The following USP24 variants were observed in gnomAD, a reference collection of about 807,000 sequenced individuals.
USP24 encodes the protein ubiquitin carboxyl-terminal hydrolase 24.
A neutral mutation model predicts 361.6 loss-of-function variants in USP24; 97 were observed. The ratio of observed to expected loss-of-function variants is 0.27; its 90% CI spans 0.23 to 0.32. USP24 has a LOEUF of 0.32. Ranked by LOEUF, USP24 falls within the 10% of genes least tolerant of loss-of-function variation. USP24 has a pLI of 1.00. For synonymous variants in USP24, 1,098 were observed against 1,124.6 expected (o/e 0.98, Z 0.47); for missense variants, 2,353 against 3,165.6 (o/e 0.74, Z 6.16).
intron 63 of USP24, among the ~76,000 whole-genome samples, chr1:55,074,454 T>C (rs912810942): frequency 1.3e-5 from 2 of 151,930 alleles, no homozygotes; most frequent in Admixed American, 1.3e-4. Context: ...AGCAACATGA[T>C]GAAAGTCTGT....
chr1:55,077,854 T>TATACGTGGTATAATACGTG (rs1645062476), intron 61 of USP24, among the ~76,000 whole-genome samples: 2 of 152,336 alleles, frequency 1.3e-5, no homozygotes, highest in Admixed American at 1.3e-4. Flanking sequence ...GGTACAGTAC[T>TATACGTGGTATAATACGTG]AAGTGAGCAC....
intron 1 of USP24, among the ~76,000 whole-genome samples, chr1:55,181,687 A>G (rs1057369651): frequency 6.6e-6 from 1 of 152,194 alleles, no homozygotes; most frequent in Non-Finnish European, 1.5e-5. Flanking sequence ...CATACATAAA[A>G]TCATCAAATG....
intron 19 of USP24, 102 bp from the exon 20 acceptor site, chr1:55,146,211 T>A: frequency 1.3e-6 from 1 of 750,412 alleles, no homozygotes; most frequent in Non-Finnish European, 2.1e-6. Flanking sequence ...CTTCAAATGT[T>A]TATACTGTCA....
intron 34 of USP24, among the ~76,000 whole-genome samples, 196 bp downstream of exon 34, chr1:55,125,124 T>C (rs1012691703): frequency 4.6e-5 from 7 of 152,196 alleles, no homozygotes; most frequent in Non-Finnish European, 1.0e-4. Context: ...CTTTGTCTTG[T>C]AGTTTTACAA....
At chr1:55,078,995 T>TAA (rs993357920) in intron 60 of USP24, among the ~76,000 whole-genome samples, 2 of 144,880 alleles carry the variant, frequency 1.4e-5, no homozygotes, top group Non-Finnish European at 1.5e-5. Context: ...ACTGTTAATT[T>TAA]AAAAAAAAAA....
intron 1 of USP24, among the ~76,000 whole-genome samples, chr1:55,205,382 G>C (rs988047960): frequency 1.3e-5 from 2 of 152,272 alleles, no homozygotes. Flanking sequence ...GGGCAGGAAA[G>C]GCAACTAAAT....
intron 21 of USP24, 55 bp downstream of exon 21, chr1:55,144,072 T>A: frequency 7.3e-7 from 1 of 1,378,258 alleles, no homozygotes; most frequent in Non-Finnish European, 9.8e-7. Flanking sequence ...TTTTGCTGAA[T>A]ATCAAGTTAT....
At position 55,095,344 on chromosome 1, in the gene USP24, G is replaced by A; in HGVS notation, c.6114C>T (p.Phe2038=). 1 of 1,613,484 alleles carries A rather than the reference G, an allele frequency of 6.2e-7. No individual in the cohort carries two copies. The highest frequency in any genetic ancestry group is 8.5e-7 in the Non-Finnish European group (1 of 1,179,666). Reference sequence around the variant, plus strand: ...AGTTCTGATCAGACACCCTTTGGTAGAAAAGCATATAGGCATTCCAGTATC... The same window carrying A: ...AGTTCTGATCAGACACCCTTTGGTAAAAAAGCATATAGGCATTCCAGTATC... ...RRRYWNAYML[F]YQRVSDQNSP... is the part of the protein sequence containing the mutation. The change falls in exon 51 of 68, where the codon TTC becomes TTT. Residue 2038 remains phenylalanine (F), a synonymous_variant. Coordinates refer to ENST00000294383, the MANE Select transcript of USP24 (RefSeq NM_015306.3).
chr1:55,163,210 A>C (rs1363923412), intron 7 of USP24, among the ~76,000 whole-genome samples: 1 of 152,000 alleles, frequency 6.6e-6, no homozygotes, highest in Admixed American at 6.5e-5. Flanking sequence ...TATTTTTATA[A>C]ACTTGAGGTG....
chr1:55,128,837 C>T (rs940362505), intron 32 of USP24, among the ~76,000 whole-genome samples: 3 of 151,376 alleles, frequency 2.0e-5, no homozygotes, highest in Admixed American at 6.6e-5. Context: ...ACCTCAGTGT[C>T]CCAAGTAGTT....
At chr1:55,181,794 A>T (rs1202006535) in intron 1 of USP24, among the ~76,000 whole-genome samples, 1 of 152,206 alleles carries the variant, frequency 6.6e-6, no homozygotes, top group African/African-American at 2.4e-5. Context: ...CTACTCCCCC[A>T]AATCCAAGTC....
chr1:55,116,351 G>GA (rs530488795), intron 38 of USP24, among the ~76,000 whole-genome samples: 4,594 of 142,046 alleles, frequency 0.032, 160 homozygotes, highest in African/African-American at 0.087. Flanking sequence ...ATACCAAAAA[G>GA]AAAAAAAAAA....
intron 36 of USP24, 107 bp downstream of exon 36, chr1:55,123,340 T>C: frequency 7.6e-7 from 1 of 1,317,950 alleles, no homozygotes. Context: ...TCCCGCCTTT[T>C]TCATTTTGAC....
chr1:55,084,247 T>TA (rs1645206684), intron 56 of USP24: 1 of 192,328 alleles, frequency 5.2e-6, no homozygotes, highest in South Asian at 1.0e-4. Context: ...CTCCCTCCAC[T>TA]ACGTTACTTC....
At chr1:55,083,567 CT>C (rs375360179) in intron 57 of USP24, among the ~76,000 whole-genome samples, 204 of 152,208 alleles carry the variant, frequency 1.3e-3, no homozygotes, top group African/African-American at 4.4e-3. Flanking sequence ...CAATTAACCC[CT>C]AGTTTTAATG....
chr1:55,172,571 A>C, intron 3 of USP24, 51 bp from the exon 4 acceptor site: 2 of 1,542,374 alleles, frequency 1.3e-6, no homozygotes, highest in Non-Finnish European at 1.7e-6. Context: ...AAAGAAAATA[A>C]ATCTACAGTT....
chr1:55,133,526 A>G (rs1034996282), intron 30 of USP24, among the ~76,000 whole-genome samples: 1 of 152,200 alleles, frequency 6.6e-6, no homozygotes, highest in Non-Finnish European at 1.5e-5. Context: ...AGATGGTACT[A>G]AAGGCTCTTC....
At position 55,121,499 on chromosome 1, in the gene USP24, G is replaced by A; in HGVS notation, c.4284C>T (p.Phe1428=). The change falls in exon 37 of 68, where the codon TTC becomes TTT. Residue 1428 remains phenylalanine (F), a synonymous_variant. Transcript: ENST00000294383. ...LQLRSQQLAS[F]YNLPCVADFI... ...AATCAGCAACACAGGGCAAGTTATA[G>A]AAAGATGCTAATAAGAAGAAATGGG... 6.2e-7 allele frequency: 1 copy of A among 1,613,440 alleles called. No homozygotes were observed. The highest frequency in any genetic ancestry group is 8.5e-7 in the Non-Finnish European group (1 of 1,179,644).
chr1:55,166,494 T>A (rs565065499), intron 6 of USP24, 74 bp downstream of exon 6: 1 of 1,355,418 alleles, frequency 7.4e-7, no homozygotes. Context: ...ATTTGCTTAA[T>A]ATACCAAACT....
Sources: allele counts gnomAD v4.1 joint callset (sites outside exome capture counted in the v4.1 genomes callset), GRCh38; gene constraint gnomAD v4.1.1; transcripts MANE v1.5; gene names NCBI Gene and HGNC (gene_info 2026-07-23, HGNC 2026-07-21).